Variants in LINGO2 observed in about 807,000 individuals in gnomAD.
The protein encoded by LINGO2 is leucine rich repeat and Ig domain containing 2.
A neutral mutation model predicts 30.6 loss-of-function variants in LINGO2; 14 were observed. The ratio of observed to expected loss-of-function variants is 0.46; its 90% CI spans 0.30 to 0.72. The LOEUF is 0.72. Among genes scored for constraint, LINGO2 ranks in the 30% least tolerant of loss-of-function variants. The pLI, the probability that LINGO2 is intolerant of heterozygous loss-of-function variation, is 0.07. For synonymous variants in LINGO2, 317 were observed against 288.5 expected, an observed-to-expected ratio of 1.10 and a Z score of -1.00; for missense variants, 729 against 751.7, an observed-to-expected ratio of 0.97 and a Z score of 0.35.
intron 5 of LINGO2, among the ~76,000 whole-genome samples, chr9:27,961,986 T>A (rs542749066): frequency 5.9e-5 from 9 of 152,270 alleles, no homozygotes; most frequent in Admixed American, 5.9e-4. Context: ...CTCAAATGTG[T>A]CTATCACTAG....
At chr9:28,072,607 C>A (rs1442882719) in intron 4 of LINGO2, among the ~76,000 whole-genome samples, 1 of 152,130 alleles carries the variant, frequency 6.6e-6, no homozygotes, top group East Asian at 1.9e-4. Flanking sequence ...CTGACTTTAG[C>A]TTTTAAACAA....
At chr9:29,083,594 A>G in the LINGO2 span, among the ~76,000 whole-genome samples, 1 of 151,990 alleles carries the variant, frequency 6.6e-6, no homozygotes, top group Non-Finnish European at 1.5e-5. Flanking sequence ...AATAAAAAAA[A>G]GAAGAATGCA....
chr9:28,167,263 T>C (rs1390947892), intron 4 of LINGO2, among the ~76,000 whole-genome samples: 2 of 151,180 alleles, frequency 1.3e-5, no homozygotes, highest in South Asian at 2.1e-4. Context: ...GGGATCCCCA[T>C]TTCTGTGCCA....
chr9:28,436,746 C>G (rs890978252), intron 2 of LINGO2, among the ~76,000 whole-genome samples: 5 of 152,086 alleles, frequency 3.3e-5, no homozygotes, highest in Admixed American at 6.6e-5. Flanking sequence ...CATAAGCCAC[C>G]GCGCCCGGCC....
At chr9:28,106,169 C>T (rs1037340788) in intron 4 of LINGO2, among the ~76,000 whole-genome samples, 12 of 152,060 alleles carry the variant, frequency 7.9e-5, no homozygotes, top group Non-Finnish European at 1.5e-4. Flanking sequence ...CTTACCCCTC[C>T]GAGTCCGTGG....
At chr9:28,194,650 A>G (rs1311466157) in intron 4 of LINGO2, among the ~76,000 whole-genome samples, 1 of 151,844 alleles carries the variant, frequency 6.6e-6, no homozygotes, top group African/African-American at 2.4e-5. Context: ...AATTAATACT[A>G]TCTTAGAAAT....
intron 1 of LINGO2, among the ~76,000 whole-genome samples, chr9:28,630,718 TA>T (rs1826897099): frequency 6.6e-6 from 1 of 152,094 alleles, no homozygotes; most frequent in African/African-American, 2.4e-5. Context: ...CATTATTAGT[TA>T]ATCAAATGGT....
chr9:29,076,619 TAATAAATA>T, the LINGO2 span, among the ~76,000 whole-genome samples: 1 of 142,158 alleles, frequency 7.0e-6, no homozygotes, highest in South Asian at 2.2e-4. Context: ...ATAATAGATA[TAATAAATA>T]AATAAATATA....
At chr9:28,183,510 G>A (rs10812751) in intron 4 of LINGO2, among the ~76,000 whole-genome samples, 2 of 151,828 alleles carry the variant, frequency 1.3e-5, no homozygotes, top group Admixed American at 6.6e-5. Flanking sequence ...GCCTTTTTTT[G>A]TAAATAAAGT....
the LINGO2 span, among the ~76,000 whole-genome samples, chr9:28,699,640 T>A: frequency 1.3e-5 from 2 of 152,024 alleles, no homozygotes; most frequent in Admixed American, 6.6e-5. Context: ...GAGCCATATT[T>A]TTTCTTCTTG....
At chr9:28,558,036 A>T (rs1441576294) in intron 1 of LINGO2, among the ~76,000 whole-genome samples, 2 of 149,688 alleles carry the variant, frequency 1.3e-5, no homozygotes, top group Admixed American at 6.7e-5. Context: ...TGGGAGATAT[A>T]CCTAATGCTA....
chr9:29,121,626 T>C, the LINGO2 span, among the ~76,000 whole-genome samples: 1 of 151,958 alleles, frequency 6.6e-6, no homozygotes, highest in Non-Finnish European at 1.5e-5. Context: ...AAAGGGATAA[T>C]ATAAAATTTA....
At chr9:28,690,103 G>C in the LINGO2 span, among the ~76,000 whole-genome samples, 1 of 152,072 alleles carries the variant, frequency 6.6e-6, no homozygotes. Context: ...GAGAGCATTA[G>C]GAAGAATAGC....
intron 4 of LINGO2, among the ~76,000 whole-genome samples, chr9:28,100,607 A>G (rs1826385896): frequency 6.6e-6 from 1 of 152,196 alleles, no homozygotes; most frequent in Non-Finnish European, 1.5e-5. Flanking sequence ...CTAGTTGGGC[A>G]CACTACTATC....
chr9:28,778,638 G>A, the LINGO2 span, among the ~76,000 whole-genome samples: 1 of 152,130 alleles, frequency 6.6e-6, no homozygotes, highest in Non-Finnish European at 1.5e-5. Context: ...TTTGAAAAGT[G>A]AAAGGCAAGC....
chr9:28,221,286 C>CGA (rs1820954449), intron 4 of LINGO2, among the ~76,000 whole-genome samples: 1 of 105,182 alleles, frequency 9.5e-6, no homozygotes, highest in African/African-American at 3.8e-5. Context: ...GGTGACAGAG[C>CGA]CAGACCCCGT....
chr9:28,128,443 G>C (rs957842870), intron 4 of LINGO2, among the ~76,000 whole-genome samples: 2 of 152,152 alleles, frequency 1.3e-5, no homozygotes, highest in African/African-American at 4.8e-5. Context: ...TATATATGTA[G>C]GTGAAAAATA....
intron 4 of LINGO2, among the ~76,000 whole-genome samples, chr9:28,185,784 C>T (rs1009290891): frequency 1.1e-4 from 16 of 152,104 alleles, no homozygotes; most frequent in African/African-American, 1.7e-4. Context: ...TTTTTAAAAA[C>T]GTATCTGACA....
the LINGO2 span, among the ~76,000 whole-genome samples, chr9:28,794,717 GAGAT>G: frequency 2.0e-5 from 3 of 152,190 alleles, no homozygotes; most frequent in Non-Finnish European, 4.4e-5. Flanking sequence ...TTTCTCAACA[GAGAT>G]AGAAGGACAA....
Sources: gnomAD v4.1 joint callset for allele counts (sites outside exome capture counted in the v4.1 genomes callset) on GRCh38, gnomAD v4.1.1 for gene constraint, MANE v1.5 for transcripts, NCBI Gene and HGNC (gene_info 2026-07-23, HGNC 2026-07-21) for gene names.